ROBO2: variants seen among roughly 807,000 people sequenced by gnomAD.
The protein encoded by ROBO2 is roundabout homolog 2.
ROBO2 carries 53 observed loss-of-function variants against 160.8 expected under a neutral mutation model. That is an observed-to-expected ratio of 0.33 (90% CI 0.26 to 0.41). The LOEUF (loss-of-function observed/expected upper bound fraction) is 0.41, where lower values mean the gene tolerates loss of function less well. Ranked by LOEUF, ROBO2 falls within the 10% of genes least tolerant of loss-of-function variation. The pLI, the probability that ROBO2 is intolerant of heterozygous loss-of-function variation, is 1.00. For missense variants in ROBO2, 1,577 were observed against 1,722.4 expected (o/e 0.92, Z 1.49); for synonymous variants, 664 against 611.7 (o/e 1.09, Z -1.26).
intron 16 of ROBO2, among the ~76,000 whole-genome samples, chr3:77,582,753 C>G (rs886765748): frequency 1.3e-5 from 2 of 152,012 alleles, no homozygotes; most frequent in African/African-American, 4.8e-5. Flanking sequence ...AATTATAGCT[C>G]TAGTGTTGTT....
At chr3:75,922,243 C>G (rs949105887) in intron 1 of ROBO2, among the ~76,000 whole-genome samples, 42 of 151,990 alleles carry the variant, frequency 2.8e-4, no homozygotes, top group African/African-American at 9.7e-4. Flanking sequence ...TTCATAAATA[C>G]TAATTCCAGA....
intron 2 of ROBO2, among the ~76,000 whole-genome samples, chr3:76,462,276 A>G (rs1267670860): frequency 1.3e-5 from 2 of 152,158 alleles, no homozygotes; most frequent in South Asian, 2.1e-4. Flanking sequence ...GTAAGTCTTC[A>G]GGCTTACTCA....
intron 13 of ROBO2, 21 bp downstream of exon 14, chr3:77,568,455 T>C: frequency 6.2e-7 from 1 of 1,612,330 alleles, no homozygotes; most frequent in Non-Finnish European, 8.5e-7. Flanking sequence ...AAAGGCAATG[T>C]TAATAGTAAT....
At chr3:76,640,640 G>A (rs763315294) in intron 2 of ROBO2, among the ~76,000 whole-genome samples, 2 of 151,884 alleles carry the variant, frequency 1.3e-5, no homozygotes, top group African/African-American at 2.4e-5. Flanking sequence ...GCCGGGGGAT[G>A]TGTTGGCTGA....
At chr3:76,033,946 G>A (rs2107724780) in intron 2 of ROBO2, among the ~76,000 whole-genome samples, 1 of 152,302 alleles carries the variant, frequency 6.6e-6, no homozygotes, top group African/African-American at 2.4e-5. Context: ...AGTAGAAACT[G>A]AATACCTGAG....
intron 2 of ROBO2, among the ~76,000 whole-genome samples, chr3:77,110,698 G>T (rs9839243): frequency 0.35 from 50,967 of 144,288 alleles, 9,029 homozygotes; most frequent in East Asian, 0.47. Flanking sequence ...TATATATATA[G>T]AGAGAGAGAG....
At chr3:77,156,001 T>C (rs1299818386) in intron 2 of ROBO2, among the ~76,000 whole-genome samples, 1 of 151,940 alleles carries the variant, frequency 6.6e-6, no homozygotes, top group Non-Finnish European at 1.5e-5. Context: ...TTGCTTTTAT[T>C]GCCACTCTTT....
intron 2 of ROBO2, among the ~76,000 whole-genome samples, chr3:76,217,717 G>A (rs1175056992): frequency 6.6e-6 from 1 of 152,114 alleles, no homozygotes; most frequent in Non-Finnish European, 1.5e-5. Flanking sequence ...ATATACAGCG[G>A]AATTCTACCA....
At chr3:76,169,809 C>A (rs2106987079) in intron 2 of ROBO2, among the ~76,000 whole-genome samples, 1 of 152,096 alleles carries the variant, frequency 6.6e-6, no homozygotes, top group Non-Finnish European at 1.5e-5. Context: ...TGAGACGGAG[C>A]CTCACTCTGT....
chr3:76,901,548 A>G (rs1296772406), intron 2 of ROBO2, among the ~76,000 whole-genome samples: 1 of 144,142 alleles, frequency 6.9e-6, no homozygotes, highest in African/African-American at 2.6e-5. Context: ...ATCCTGGGCA[A>G]CAAGAGCAAA....
chr3:77,142,054 G>C (rs1369778490), intron 2 of ROBO2, among the ~76,000 whole-genome samples: 1 of 152,144 alleles, frequency 6.6e-6, no homozygotes, highest in Non-Finnish European at 1.5e-5. Context: ...ATTTGGAAGA[G>C]AGTCATCCAA....
At chr3:76,203,179 C>T (rs1702621760) in intron 2 of ROBO2, among the ~76,000 whole-genome samples, 1 of 152,184 alleles carries the variant, frequency 6.6e-6, no homozygotes, top group Admixed American at 6.5e-5. Flanking sequence ...CTGCTACCCT[C>T]TCCCAACCTA....
intron 2 of ROBO2, among the ~76,000 whole-genome samples, chr3:76,209,953 G>A (rs1703038964): frequency 6.6e-6 from 1 of 151,940 alleles, no homozygotes; most frequent in Non-Finnish European, 1.5e-5. Context: ...ATTAAATGAT[G>A]GAATATTATA....
intron 2 of ROBO2, among the ~76,000 whole-genome samples, chr3:76,122,072 C>A (rs1229136323): frequency 6.6e-6 from 1 of 152,198 alleles, no homozygotes; most frequent in East Asian, 1.9e-4. Flanking sequence ...AAAAACACTG[C>A]ATGCTCTACT....
intron 9 of ROBO2, among the ~76,000 whole-genome samples, chr3:77,560,473 T>C (rs931199637): frequency 6.6e-5 from 10 of 152,066 alleles, no homozygotes; most frequent in African/African-American, 2.4e-4. Context: ...AATGAAAACG[T>C]TGTTCTTTTC....
At chr3:76,572,794 T>A (rs563106469) in intron 2 of ROBO2, among the ~76,000 whole-genome samples, 1 of 152,282 alleles carries the variant, frequency 6.6e-6, no homozygotes, top group East Asian at 1.9e-4. Flanking sequence ...GAGGGAATAT[T>A]GCAAGTAGCA....
chr3:77,607,767 C>A (rs184413810), intron 20 of ROBO2, 31 bp from the exon 22 acceptor site: 709 of 1,600,548 alleles, frequency 4.4e-4, no homozygotes, highest in Non-Finnish European at 5.7e-4. Context: ...TGCTATTTGG[C>A]ATCTCTGAAT....
At chr3:77,026,913 A>C (rs1476502898) in intron 2 of ROBO2, among the ~76,000 whole-genome samples, 1 of 152,198 alleles carries the variant, frequency 6.6e-6, no homozygotes, top group Admixed American at 6.5e-5. Context: ...CATTTTGACT[A>C]AGATAATATA....
intron 1 of ROBO2, among the ~76,000 whole-genome samples, chr3:77,093,817 T>G (rs1272009391): frequency 2.0e-5 from 3 of 152,154 alleles, no homozygotes; most frequent in Non-Finnish European, 4.4e-5. Context: ...AAAGTTCACT[T>G]TATGTCCTAA....
Sources: gnomAD v4.1 joint callset for allele counts (sites outside exome capture counted in the v4.1 genomes callset) on GRCh38, gnomAD v4.1.1 for gene constraint, MANE v1.5 for transcripts, NCBI Gene and HGNC (gene_info 2026-07-23, HGNC 2026-07-21) for gene names.